The following SRP68 variants were observed in gnomAD, a reference collection of about 807,000 sequenced individuals.
SRP68 encodes signal recognition particle 68.
Under a neutral mutation model 82.2 loss-of-function variants are expected in SRP68, and 15 were observed. That is an observed-to-expected ratio of 0.18 (90% CI 0.12 to 0.28). The LOEUF is 0.28. Among genes scored for constraint, SRP68 ranks in the 10% least tolerant of loss-of-function variants. SRP68 has a pLI of 1.00. For synonymous variants in SRP68, 261 were observed against 292.6 expected (o/e 0.89, Z 1.10); for missense variants, 595 against 780.5 (o/e 0.76, Z 2.83).
intron 1 of SRP68, 96 bp from the exon 2 acceptor site, chr17:76,070,540 T>C: frequency 9.3e-7 from 1 of 1,080,380 alleles, no homozygotes; most frequent in Middle Eastern, 2.0e-4. Context: ...CCACAACACA[T>C]TAAACATTTG....
chr17:76,059,789 C>A (rs76573743), intron 7 of SRP68, among the ~76,000 whole-genome samples: 761 of 87,300 alleles, frequency 8.7e-3, no homozygotes, highest in South Asian at 0.014. Flanking sequence ...AAGACTGTCT[C>A]AAAAAAAAAA....
Position 76,047,009 on chromosome 17 carries a change from G to A in SRP68, c.1143-815C>T, listed in dbSNP as rs571828928. 3.9e-5 allele frequency among the ~76,000 whole-genome samples: 6 copies of A among 152,302 alleles called. No homozygotes were observed. In the East Asian group the frequency reaches 1.2e-3, roughly 30 times the overall value. The stretch of plus-strand genomic sequence containing the variant: ...TCTGGTCCCAGCTACTCAGGAGGCT[G>A]AGGTGGGAGGATCACCTGAGCCCGG... On this transcript the variant is annotated intron_variant, in intron 10 of 15. Coordinates refer to ENST00000307877, the MANE Select transcript of SRP68 (RefSeq NM_014230.4).
At chr17:76,047,991 A>G in intron 9 of SRP68, 21 bp from the exon 10 acceptor site, 1 of 1,539,080 alleles carries the variant, frequency 6.5e-7, no homozygotes, top group Non-Finnish European at 8.8e-7. Context: ...TGAAAAAGGT[A>G]AAAAGTAAAG....
At chr17:76,062,601 T>A (rs1222921122) in intron 4 of SRP68, among the ~76,000 whole-genome samples, 16 of 82,818 alleles carry the variant, frequency 1.9e-4, no homozygotes, top group African/African-American at 7.0e-4. Flanking sequence ...ATAATATACA[T>A]TATATATTAT....
intron 2 of SRP68, 121 bp downstream of exon 2, chr17:76,070,257 C>CAA: frequency 1.8e-6 from 1 of 553,678 alleles, no homozygotes; most frequent in Non-Finnish European, 2.9e-6. Context: ...AACAAACAAA[C>CAA]AAAAAAAACA....
At chr17:76,062,951 T>C (rs1337782824) in intron 4 of SRP68, among the ~76,000 whole-genome samples, 2 of 148,768 alleles carry the variant, frequency 1.3e-5, no homozygotes, top group Non-Finnish European at 3.0e-5. Context: ...TTTGTATTTT[T>C]AGTAGAGATG....
rs778533325 is a variant in SRP68, at chr17:76,063,963, T to G, written c.561+13A>C. On this transcript the variant is annotated intron_variant, in intron 4 of 15. Coordinates refer to ENST00000307877, the MANE Select transcript of SRP68 (RefSeq NM_014230.4). Reference sequence around the variant, plus strand: ...ATCTCCACAATAAACAAGCTGAATGTTGAGGTACTAACCTGAGCCTCTAAT... The same window carrying G: ...ATCTCCACAATAAACAAGCTGAATGGTGAGGTACTAACCTGAGCCTCTAAT... 4 of 1,603,532 alleles carry G rather than the reference T, an allele frequency of 2.5e-6. No homozygotes were observed. Among genetic ancestry groups the G allele is most frequent in the Non-Finnish European group, 3.4e-6 (4 of 1,172,478 alleles).
At position 76,039,685 on chromosome 17, in the gene SRP68, C is replaced by G; in HGVS notation, c.*21G>C. Reference sequence around the variant, plus strand: ...ACAGATTAAGAGTCAGAATCTCCCCCGCCCCCGAGGAAGAGCCTGGTTAGC... The same window carrying G: ...ACAGATTAAGAGTCAGAATCTCCCCGGCCCCCGAGGAAGAGCCTGGTTAGC... On this transcript the variant is annotated 3_prime_UTR_variant, in exon 16 of 16. Coordinates refer to ENST00000307877, the MANE Select transcript of SRP68 (RefSeq NM_014230.4). The G allele has an allele frequency of 6.2e-7, 1 of 1,603,296 alleles. No homozygotes were observed. The highest frequency in any genetic ancestry group is 1.3e-5 in the African/African-American group (1 of 74,838).
chr17:76,060,347 C>G lies in SRP68; in HGVS notation c.798G>C (p.Arg266Ser). ...AINELMQMRL[R>S]SGGTEGLLAE... ...CCAAGAGACCCTCAGTGCCCCCAGA[C>G]CTCAATCTCATCTGCATGAGTTCAT... Residue 266 changes from arginine (R) to serine (S), a missense_variant, in exon 7 of 16, where the codon AGG (arginine) becomes AGC (serine). Coordinates refer to ENST00000307877, the MANE Select transcript of SRP68 (RefSeq NM_014230.4). The G allele has an allele frequency of 6.2e-7, 1 of 1,611,822 alleles. No homozygotes were observed. Among genetic ancestry groups the G allele is most frequent in the South Asian group, 1.1e-5 (1 of 90,934 alleles).
chr17:76,058,156 AT>A (rs113291325), intron 7 of SRP68, among the ~76,000 whole-genome samples: 78,223 of 142,904 alleles, frequency 0.55, 23,831 homozygotes, highest in African/African-American at 0.85. Context: ...AAAAAAAAAA[AT>A]TTTTTTTTTT....
chr17:76,039,567 T>C lies in SRP68; in HGVS notation c.*139A>G, dbSNP rs760727336. 8.2e-5 allele frequency: 65 copies of C among 795,072 alleles called. No individual in the cohort carries two copies. Among genetic ancestry groups the C allele is most frequent in the Non-Finnish European group, 1.3e-4 (62 of 495,228 alleles). The allele number at this position is 795,072 out of a possible 1,614,324, so 49.3% of individuals were successfully genotyped here. A position where few individuals can be genotyped will look rare whatever the true frequency, so the allele number is the denominator to read the frequency against. ...TAAGAACGTGTACAGACACAAGATG[T>C]AGGAATGCAGGGCCGAAGATGTTAA... On this transcript the variant is annotated 3_prime_UTR_variant, in exon 16 of 16. Coordinates refer to ENST00000307877, the MANE Select transcript of SRP68 (RefSeq NM_014230.4).
At position 76,071,245 on chromosome 17, in the gene SRP68, G is replaced by C. The variant is rs1002359297; in HGVS notation, c.185-801C>G. On this transcript the variant is annotated intron_variant, in intron 1 of 15. Transcript: ENST00000307877. This position sits in a 1 kb window ranked among gnomAD's most constrained non-coding sequence, Gnocchi z 4.7. ...GTGATGCTTAGAGAGTCTATGATTAGCACATGTCAACCAAGCTAGGCTACA... is the reference window on the plus strand; with the variant it reads ...GTGATGCTTAGAGAGTCTATGATTACCACATGTCAACCAAGCTAGGCTACA... Among the ~76,000 whole-genome samples, 2 of 152,152 alleles carry C rather than the reference G, an allele frequency of 1.3e-5. No individual in the cohort carries two copies. The highest frequency in any genetic ancestry group is 4.8e-5 in the African/African-American group (2 of 41,430).
Position 76,052,631 on chromosome 17 carries a change from C to T in SRP68, c.979-2105G>A, listed in dbSNP as rs550008619. 7.9e-3 allele frequency among the ~76,000 whole-genome samples: 1,204 copies of T among 151,678 alleles called. 12 individuals carry two copies. Among genetic ancestry groups the T allele is most frequent in the Non-Finnish European group, 0.012 (792 of 67,878 alleles). On this transcript the variant is annotated intron_variant, in intron 8 of 15. Transcript: ENST00000307877. ...CATCCTGGCTAACACGATGAAACCC[C>T]GTCTCTACTAAAAATACAAAAAATT... is the stretch of plus-strand genomic sequence containing the variant.
At chr17:76,047,259 A>T (rs1302466219) in intron 10 of SRP68, among the ~76,000 whole-genome samples, 5 of 152,080 alleles carry the variant, frequency 3.3e-5, no homozygotes, top group Admixed American at 6.5e-5. Flanking sequence ...CTGAGACCAC[A>T]GGTGTGCACC....
chr17:76,059,351 T>C (rs1483301238), intron 7 of SRP68, among the ~76,000 whole-genome samples: 1 of 152,040 alleles, frequency 6.6e-6, no homozygotes, highest in Non-Finnish European at 1.5e-5. Context: ...GAGACTATCC[T>C]GGCCAACATG....
intron 13 of SRP68, among the ~76,000 whole-genome samples, chr17:76,042,824 A>G (rs2066601756): frequency 6.6e-6 from 1 of 152,062 alleles, no homozygotes; most frequent in South Asian, 2.1e-4. Context: ...ACCTCAAGTG[A>G]TCTGCCCACC....
chr17:76,059,721 C>T (rs1271579276), intron 7 of SRP68, among the ~76,000 whole-genome samples: 1 of 143,350 alleles, frequency 7.0e-6, no homozygotes, highest in Non-Finnish European at 1.5e-5. Flanking sequence ...CCGAGGCGGG[C>T]AGATCACTTG....
At chr17:76,047,745 C>T (rs2066641856) in intron 10 of SRP68, among the ~76,000 whole-genome samples, 161 bp downstream of exon 10, 1 of 149,736 alleles carries the variant, frequency 6.7e-6, no homozygotes, top group Non-Finnish European at 1.5e-5. Context: ...GCTGAGATCA[C>T]ATCACTGCAC....
intron 7 of SRP68, among the ~76,000 whole-genome samples, chr17:76,058,232 C>T (rs2144510436): frequency 6.6e-6 from 1 of 151,820 alleles, no homozygotes; most frequent in South Asian, 2.1e-4. Flanking sequence ...CAGCTTACTG[C>T]AACCTCCACC....
Sources: allele counts gnomAD v4.1 joint callset (sites outside exome capture counted in the v4.1 genomes callset), GRCh38; gene constraint gnomAD v4.1.1; non-coding constraint Gnocchi (gnomAD v3.1); transcripts MANE v1.5; gene names NCBI Gene and HGNC (gene_info 2026-07-23, HGNC 2026-07-21).